The following SDK1 variants were observed in gnomAD, a reference collection of about 807,000 sequenced individuals.
SDK1 encodes sidekick cell adhesion molecule 1, also known as protein sidekick-1.
In SDK1, 157 loss-of-function variants were observed where a neutral mutation model predicts 245.5. The ratio of observed to expected loss-of-function variants is 0.64; its 90% CI spans 0.56 to 0.73. The LOEUF (loss-of-function observed/expected upper bound fraction) is 0.73, where lower values mean the gene tolerates loss of function less well. Among genes scored for constraint, SDK1 ranks in the 30% least tolerant of loss-of-function variants. SDK1 has a pLI of 0.00. For missense variants in SDK1, 3,583 were observed against 3,002.3 expected, an observed-to-expected ratio of 1.19 and a Z score of -4.52; for synonymous variants, 1,647 against 1,278.5, an observed-to-expected ratio of 1.29 and a Z score of -6.15.
chr7:3,603,418 C>T (rs1304044686), intron 1 of SDK1, among the ~76,000 whole-genome samples: 1 of 151,038 alleles, frequency 6.6e-6, no homozygotes, highest in South Asian at 2.1e-4. Flanking sequence ...AGGTGGATTC[C>T]TAGGTATTTT....
At chr7:3,979,504 A>G (rs1783229478) in intron 13 of SDK1, among the ~76,000 whole-genome samples, 1 of 152,122 alleles carries the variant, frequency 6.6e-6, no homozygotes, top group African/African-American at 2.4e-5. Context: ...TAGGAACCTA[A>G]TAAATGTCTG....
chr7:4,032,587 T>C (rs1222864819), intron 17 of SDK1, among the ~76,000 whole-genome samples: 1 of 150,514 alleles, frequency 6.6e-6, no homozygotes, highest in Non-Finnish European at 1.5e-5. Context: ...ATATATGATA[T>C]CTGGAAACTA....
chr7:3,436,741 T>C (rs1035040258), intron 1 of SDK1, among the ~76,000 whole-genome samples: 4 of 152,140 alleles, frequency 2.6e-5, no homozygotes, highest in Non-Finnish European at 4.4e-5. Context: ...GAAGAATGTT[T>C]AAATTAGAAC....
At chr7:3,738,501 C>G (rs1163404465) in intron 4 of SDK1, among the ~76,000 whole-genome samples, 2 of 152,136 alleles carry the variant, frequency 1.3e-5, no homozygotes, top group African/African-American at 4.8e-5. Flanking sequence ...TCTTGTTATT[C>G]TTTTGCAAGA....
At chr7:3,329,611 A>T (rs989364709) in intron 1 of SDK1, among the ~76,000 whole-genome samples, 2 of 152,194 alleles carry the variant, frequency 1.3e-5, no homozygotes, top group Non-Finnish European at 2.9e-5. Flanking sequence ...ATTTCATATA[A>T]GTAGAATCAT....
intron 17 of SDK1, among the ~76,000 whole-genome samples, chr7:4,040,023 T>A (rs898472666): frequency 2.0e-5 from 3 of 152,194 alleles, no homozygotes; most frequent in Admixed American, 6.5e-5. Flanking sequence ...TGTCTGTCCC[T>A]GCATGAGAGG....
rs182070945 is a variant in SDK1 at position 4,102,127 on chromosome 7, G to A, written c.3325-8536G>A. ...AGCTTCCTTGGGAGTGAAGATAAAC[G>A]CAGCACAGCGTCGAGTCCCCTGCCG... is the stretch of plus-strand genomic sequence containing the variant. On this transcript the variant is annotated intron_variant, in intron 22 of 44. Transcript: ENST00000404826. 1.2e-3 allele frequency among the ~76,000 whole-genome samples: 177 copies of A among 152,316 alleles called. 1 individual carries two copies. The highest frequency in any genetic ancestry group is 4.0e-3 in the African/African-American group (167 of 41,568).
At chr7:3,861,789 G>A (rs75674676) in intron 5 of SDK1, among the ~76,000 whole-genome samples, 8,076 of 152,076 alleles carry the variant, frequency 0.053, 694 homozygotes, top group African/African-American at 0.18. Context: ...ACCCTCTCCC[G>A]TCAATGTGAA....
In SDK1 at chr7:4,017,452, C is replaced by G; in HGVS notation, c.2602+100C>G. 7 of 1,068,190 alleles carry G rather than the reference C, an allele frequency of 6.6e-6. 1 individual carries two copies. In the South Asian group the frequency reaches 1.2e-4, roughly 18 times the overall value. 66.2% of individuals were successfully genotyped at this position (1,068,190 alleles called of 1,614,324 possible). The stretch of plus-strand genomic sequence containing the variant: ...ACGTTAGAAAGAAAAACAGAGAATC[C>G]AGTCCCCTAGGGAGCGTTTACAAGA... On this transcript the variant is annotated intron_variant, in intron 17 of 44. Transcript: ENST00000404826.
intron 1 of SDK1, among the ~76,000 whole-genome samples, chr7:3,464,813 C>G (rs528914574): frequency 6.6e-4 from 100 of 151,716 alleles, no homozygotes; most frequent in African/African-American, 2.3e-3. Context: ...TCGGGACAGT[C>G]TTTAAAAATT....
chr7:4,046,782 G>A (rs1355581903), intron 17 of SDK1, among the ~76,000 whole-genome samples: 1 of 151,566 alleles, frequency 6.6e-6, no homozygotes, highest in African/African-American at 2.4e-5. Flanking sequence ...ATAGATTTTA[G>A]AATCACCTTT....
rs1203793554 is a variant in SDK1 at position 4,118,871 on chromosome 7, T to C, written c.3823+4597T>C. ...TTCTATTTGTAGGAAACATCTAGAA[T>C]AGGCAAATCTAGAGAGGCAGAAAGT... On this transcript the variant is annotated intron_variant, in intron 25 of 44. Transcript: ENST00000404826. Among the ~76,000 whole-genome samples, 4 of 148,610 alleles carry C rather than the reference T, an allele frequency of 2.7e-5. 1 individual carries two copies. Among genetic ancestry groups the C allele is most frequent in the African/African-American group, 9.8e-5 (4 of 40,650 alleles).
At chr7:3,306,708 G>T (rs1196062775) in intron 1 of SDK1, among the ~76,000 whole-genome samples, 3 of 152,138 alleles carry the variant, frequency 2.0e-5, no homozygotes, top group Admixed American at 6.5e-5. Context: ...CTCCCTACCA[G>T]TTGCCTTTAT....
intron 1 of SDK1, among the ~76,000 whole-genome samples, chr7:3,364,927 CATT>C (rs1781050100): frequency 6.6e-6 from 1 of 152,164 alleles, no homozygotes; most frequent in Admixed American, 6.5e-5. Context: ...TTGTTTACAT[CATT>C]GATTTCTTTC....
intron 1 of SDK1, among the ~76,000 whole-genome samples, chr7:3,365,537 T>C (rs1781065540): frequency 6.6e-6 from 1 of 152,226 alleles, no homozygotes; most frequent in African/African-American, 2.4e-5. Flanking sequence ...TCTCTTACAC[T>C]GAAAATAGTG....
At chr7:4,217,508 C>CACCAGGCCACCTGGAGA (rs1562446298) in intron 38 of SDK1, among the ~76,000 whole-genome samples, 2 of 51,282 alleles carry the variant, frequency 3.9e-5, no homozygotes, top group East Asian at 4.4e-4. Context: ...CCACCCGGAG[C>CACCAGGCCACCTGGAGA]ACCACACCAC....
chr7:4,211,154 C>T (rs561899478), intron 38 of SDK1, among the ~76,000 whole-genome samples: 3 of 152,326 alleles, frequency 2.0e-5, no homozygotes, highest in Admixed American at 6.5e-5. Flanking sequence ...TCCCCCGTCT[C>T]AGTGTCACGA....
intron 14 of SDK1, among the ~76,000 whole-genome samples, chr7:3,993,330 A>G (rs1784483193): frequency 6.6e-6 from 1 of 152,192 alleles, no homozygotes; most frequent in Admixed American, 6.5e-5. Flanking sequence ...ACCAGTTATC[A>G]AGAAAAATTA....
chr7:3,939,792 G>T (rs1167749240), intron 5 of SDK1, among the ~76,000 whole-genome samples: 1 of 152,202 alleles, frequency 6.6e-6, no homozygotes, highest in African/African-American at 2.4e-5. Flanking sequence ...CACACCTGTT[G>T]CTCTGAGATG....
Sources: allele counts gnomAD v4.1 joint callset (sites outside exome capture counted in the v4.1 genomes callset), GRCh38; gene constraint gnomAD v4.1.1; transcripts MANE v1.5; gene names NCBI Gene and HGNC (gene_info 2026-07-23, HGNC 2026-07-21).